The following CRIM1 variants were observed in gnomAD, a reference collection of about 807,000 sequenced individuals.
The protein encoded by CRIM1 is cysteine-rich motor neuron 1 protein.
A neutral mutation model predicts 116.4 loss-of-function variants in CRIM1; 32 were observed. That is an observed-to-expected ratio of 0.27 (90% CI 0.21 to 0.37). The LOEUF (loss-of-function observed/expected upper bound fraction) is 0.37. CRIM1 is among the 10% of genes least tolerant of loss of function. The probability of loss-of-function intolerance (pLI) is 1.00; values close to 1 mark genes in which losing one functional copy is unlikely to be tolerated. For missense variants in CRIM1, 1,331 were observed against 1,354.8 expected (o/e 0.98, Z 0.28); for synonymous variants, 590 against 509.2 (o/e 1.16, Z -2.13).
chr2:36,512,128 C>T, intron 9 of CRIM1, 145 bp from the exon 10 acceptor site: 1 of 903,314 alleles, frequency 1.1e-6, no homozygotes, highest in Non-Finnish European at 1.7e-6. Context: ...GAGCTAATTA[C>T]CCATCACTCC....
At chr2:36,470,959 G>A (rs769237875) in intron 5 of CRIM1, among the ~76,000 whole-genome samples, 3 of 152,182 alleles carry the variant, frequency 2.0e-5, no homozygotes, top group Non-Finnish European at 2.9e-5. Flanking sequence ...TTTGGAAGAA[G>A]TTGATTCCAA....
intron 1 of CRIM1, among the ~76,000 whole-genome samples, chr2:36,365,565 G>A (rs1669533404): frequency 6.6e-6 from 1 of 152,196 alleles, no homozygotes; most frequent in Admixed American, 6.5e-5. Flanking sequence ...CTTTGATGTG[G>A]ACTAATAGTC....
chr2:36,434,557 T>A (rs112978783), intron 2 of CRIM1, among the ~76,000 whole-genome samples: 1 of 152,224 alleles, frequency 6.6e-6, no homozygotes, highest in Non-Finnish European at 1.5e-5. Context: ...CATGAAGATA[T>A]AATCTCTTCT....
chr2:36,410,155 G>C (rs1673099130), intron 2 of CRIM1, among the ~76,000 whole-genome samples: 1 of 152,184 alleles, frequency 6.6e-6, no homozygotes, highest in Admixed American at 6.5e-5. Context: ...ATGTCTGTGT[G>C]AGTTTTTAAG....
intron 4 of CRIM1, among the ~76,000 whole-genome samples, chr2:36,459,929 TGA>T (rs1470744910): frequency 6.6e-6 from 1 of 152,162 alleles, no homozygotes; most frequent in African/African-American, 2.4e-5. Flanking sequence ...GGATTGTCTG[TGA>T]AGTCCAGGAA....
rs1438671971 is a variant in CRIM1, at chr2:36,505,550, G to C, written c.1502-4433G>C. On this transcript the variant is annotated intron_variant, in intron 8 of 16. Coordinates refer to ENST00000280527, the MANE Select transcript of CRIM1 (RefSeq NM_016441.3). ...ATCAGTGAGTGATAGTGGTTGTAGT[G>C]GTGCTGTGTTGAATGACATGTAACA... Among the ~76,000 whole-genome samples the C allele has an allele frequency of 2.1e-4, 12 of 57,862 alleles. 1 individual carries two copies. Among genetic ancestry groups the C allele is most frequent in the African/African-American group, 8.1e-4 (12 of 14,736 alleles). 38.0% of individuals were successfully genotyped at this position (57,862 alleles called of 152,430 possible). A position where few individuals can be genotyped will look rare whatever the true frequency, so the allele number is the denominator to read the frequency against.
intron 16 of CRIM1, among the ~76,000 whole-genome samples, chr2:36,547,681 G>C (rs1667449320): frequency 1.3e-5 from 2 of 152,224 alleles, no homozygotes; most frequent in Admixed American, 1.3e-4. Flanking sequence ...AAGATGAAGA[G>C]GTGGTGGAAA....
intron 13 of CRIM1, among the ~76,000 whole-genome samples, chr2:36,523,029 G>A (rs1055226561): frequency 3.4e-5 from 5 of 148,676 alleles, no homozygotes; most frequent in Non-Finnish European, 7.4e-5. Context: ...ATCTCAGCTT[G>A]CTGCAACCTC....
intron 5 of CRIM1, 147 bp downstream of exon 5, chr2:36,464,802 A>T: frequency 1.1e-6 from 1 of 881,294 alleles, no homozygotes; most frequent in Non-Finnish European, 1.8e-6. Context: ...TTTGCTTAAG[A>T]TCCACAGTGC....
chr2:36,412,753 G>T (rs892615731), intron 2 of CRIM1, among the ~76,000 whole-genome samples: 2 of 151,890 alleles, frequency 1.3e-5, no homozygotes, highest in African/African-American at 4.8e-5. Context: ...CTTAAATTTG[G>T]TATACAAATG....
chr2:36,381,888 C>G (rs1241659328), intron 1 of CRIM1, among the ~76,000 whole-genome samples: 1 of 152,238 alleles, frequency 6.6e-6, no homozygotes, highest in African/African-American at 2.4e-5. Context: ...GATAGGGTCA[C>G]TGGGGTTAGT....
intron 2 of CRIM1, among the ~76,000 whole-genome samples, chr2:36,427,469 G>A (rs1482093347): frequency 6.6e-6 from 1 of 152,194 alleles, no homozygotes; most frequent in Non-Finnish European, 1.5e-5. Flanking sequence ...GGCAGCATGA[G>A]AGGGTCTTGT....
chr2:36,491,394 C>G (rs1680215646), intron 7 of CRIM1, among the ~76,000 whole-genome samples: 1 of 152,148 alleles, frequency 6.6e-6, no homozygotes, highest in South Asian at 2.1e-4. Flanking sequence ...TAAGATCTGG[C>G]TTTCTGCTTC....
rs541437707 is a variant in CRIM1 at position 36,457,244 on chromosome 2, A to G, written c.870-7290A>G. ...TGATTTGTGAGATTTTGGGGCACCC[A>G]TCACCTGAACAGTATACACTGAACC... On this transcript the variant is annotated intron_variant, in intron 4 of 16. Transcript: ENST00000280527. Among the ~76,000 whole-genome samples, 280 of 152,306 alleles carry G rather than the reference A, an allele frequency of 1.8e-3. 2 individuals carry two copies. The highest frequency in any genetic ancestry group is 3.3e-3 in the Admixed American group (51 of 15,302).
At chr2:36,531,378 G>A (rs1666102998) in intron 13 of CRIM1, among the ~76,000 whole-genome samples, 2 of 151,540 alleles carry the variant, frequency 1.3e-5, no homozygotes, top group South Asian at 4.2e-4. Flanking sequence ...AGAATCTGGA[G>A]ATGCGTTTTT....
At position 36,548,585 on chromosome 2, in the gene CRIM1, G is replaced by A. The variant is rs149808214; in HGVS notation, c.2995G>A (p.Val999Met). ...VDCKKGTRVQ[V>M]DSSQRMLRIA... is the part of the protein sequence containing the mutation. The stretch of plus-strand genomic sequence containing the variant: ...CTGCAAGAAAGGAACCAGAGTCCAG[G>A]TGGACAGTTCCCAGAGAATGCTAAG... The change falls in exon 17 of 17, where the codon GTG becomes ATG. Residue 999 changes from valine (V) to methionine (M), a missense_variant. Val to Met is a conservative substitution (Grantham distance 21). Around this residue, in one of 3 missense-constraint regions of CRIM1, gnomAD observed 283 missense variants for 242.8 expected, o/e 1.17. Transcript: ENST00000280527. 55 of 1,611,830 alleles carry A rather than the reference G, an allele frequency of 3.4e-5. No individual in the cohort carries two copies. The highest frequency in any genetic ancestry group is 4.5e-5 in the Non-Finnish European group (53 of 1,179,248).
chr2:36,476,812 A>C, intron 5 of CRIM1, 77 bp from the exon 6 acceptor site: 2 of 1,208,306 alleles, frequency 1.7e-6, no homozygotes, highest in Non-Finnish European at 2.3e-6. Flanking sequence ...AATTTTCTAG[A>C]GGCTGTTTGA....
At chr2:36,504,043 T>C (rs1681207095) in intron 8 of CRIM1, among the ~76,000 whole-genome samples, 3 of 152,030 alleles carry the variant, frequency 2.0e-5, no homozygotes, top group Admixed American at 6.6e-5. Flanking sequence ...CTCATTTTTT[T>C]TGTATTTTTT....
Position 36,436,176 on chromosome 2 carries a change from G to A in CRIM1, c.506-5082G>A, listed in dbSNP as rs552739114. On this transcript the variant is annotated intron_variant, in intron 2 of 16. Transcript: ENST00000280527. ...CAGAGAAGAATAAATAAAATCTGAT[G>A]GGAGAATTTATAGAAAAGGCTGAAA... Among the ~76,000 whole-genome samples the A allele has an allele frequency of 3.3e-5, 5 of 152,042 alleles. No homozygotes were observed. In the East Asian group the frequency reaches 9.7e-4, roughly 29 times the overall value.
Sources: allele counts gnomAD v4.1 joint callset (sites outside exome capture counted in the v4.1 genomes callset), GRCh38; gene constraint gnomAD v4.1.1; regional missense constraint gnomAD v4.1.1; transcripts MANE v1.5; gene names NCBI Gene and HGNC (gene_info 2026-07-23, HGNC 2026-07-21).